Variants in APCDD1L observed in about 807,000 individuals in gnomAD.
APCDD1L encodes protein APCDD1-like.
In APCDD1L, 21 loss-of-function variants were observed where a neutral mutation model predicts 24.2. That is an observed-to-expected ratio of 0.87 (90% CI 0.61 to 1.25). The LOEUF (loss-of-function observed/expected upper bound fraction) is 1.25, where lower values mean the gene tolerates loss of function less well. Ranked by LOEUF, APCDD1L falls within the 50% of genes most tolerant of loss-of-function variation. The probability of loss-of-function intolerance (pLI) is 0.00; values close to 1 mark genes in which losing one functional copy is unlikely to be tolerated. For missense variants in APCDD1L, 704 were observed against 711.7 expected (o/e 0.99, Z 0.12); for synonymous variants, 321 against 323.6 (o/e 0.99, Z 0.09).
chr20:58,469,288 A>C, intron 2 of APCDD1L, among the ~76,000 whole-genome samples: 1 of 152,218 alleles, frequency 6.6e-6, no homozygotes, highest in East Asian at 1.9e-4. Flanking sequence ...GAAAATGATA[A>C]GTAAATACTA....
intron 3 of APCDD1L, among the ~76,000 whole-genome samples, chr20:58,464,753 G>A (rs935721025): frequency 1.1e-4 from 17 of 152,104 alleles, no homozygotes; most frequent in African/African-American, 4.1e-4. Context: ...TGGGTCGTGG[G>A]CAAGGCGTGG....
At chr20:58,486,814 C>G (rs1990124915) in intron 1 of APCDD1L, among the ~76,000 whole-genome samples, 1 of 138,374 alleles carries the variant, frequency 7.2e-6, no homozygotes, top group Non-Finnish European at 1.5e-5. Context: ...ACCTTCTAAA[C>G]AAAGGAATTT....
intron 1 of APCDD1L, among the ~76,000 whole-genome samples, chr20:58,487,385 A>G (rs1284798707): frequency 6.8e-6 from 1 of 148,040 alleles, no homozygotes; most frequent in Non-Finnish European, 1.5e-5. Flanking sequence ...AGGAGTAAGT[A>G]TAAATAAACT....
At chr20:58,492,740 CACAT>C (rs1188254370) in intron 1 of APCDD1L, among the ~76,000 whole-genome samples, 1 of 152,266 alleles carries the variant, frequency 6.6e-6, no homozygotes, top group African/African-American at 2.4e-5. Flanking sequence ...CATGCACTGA[CACAT>C]ACAGACACAA....
In APCDD1L at chr20:58,497,283, G is replaced by A. The variant is rs1409245200; in HGVS notation, c.49+17376C>T. Among the ~76,000 whole-genome samples the A allele has an allele frequency of 1.3e-5, 2 of 152,096 alleles. No homozygotes were observed. Among genetic ancestry groups the A allele is most frequent in the African/African-American group, 4.8e-5 (2 of 41,416 alleles). On this transcript the variant is annotated intron_variant, in intron 1 of 3. Transcript: ENST00000371149. The surrounding 1 kb of genome is among the most constrained non-coding windows in gnomAD (Gnocchi z 4.3). ...AAGCTGTAGCACGACTGAAGCCTTA[G>A]GCCTGGCCACAGCTGCCCTGGAAAG...
At position 58,467,599 on chromosome 20, in the gene APCDD1L, C is replaced by T. The variant is rs7265902; in HGVS notation, c.248G>A (p.Arg83Gln). 2.6e-3 allele frequency: 4,011 copies of T among 1,552,852 alleles called. 104 individuals are homozygous for T. The African/African-American group carries it at 0.048, about 18-fold the overall frequency. The stretch of plus-strand genomic sequence containing the variant: ...GTAGAACTGGTGGGCTCGAAAGAGC[C>T]GGCTGGGGTAGAAGGTGTAGGCGCG... ...LTRAYTFYPSRLFRAHQFYYE... is the reference protein window; with the variant it reads ...LTRAYTFYPSQLFRAHQFYYE... The change falls in exon 3 of 4, where the codon CGG becomes CAG. Residue 83 changes from arginine (R) to glutamine (Q), a missense_variant. Transcript: ENST00000371149. The surrounding 1 kb of genome is among the most constrained non-coding windows in gnomAD (Gnocchi z 5.9).
At chr20:58,468,896 A>G (rs1989765512) in intron 2 of APCDD1L, among the ~76,000 whole-genome samples, 1 of 152,192 alleles carries the variant, frequency 6.6e-6, no homozygotes, top group Middle Eastern at 3.4e-3. Context: ...GGGCTGTTGG[A>G]GCAGAGGAAA....
At chr20:58,496,096 G>C (rs1357061910) in intron 1 of APCDD1L, among the ~76,000 whole-genome samples, 1 of 152,242 alleles carries the variant, frequency 6.6e-6, no homozygotes, top group African/African-American at 2.4e-5. Context: ...ACTTTTCCTA[G>C]GGTTAATGAG....
chr20:58,509,201 C>G (rs1990581679), intron 1 of APCDD1L, among the ~76,000 whole-genome samples: 1 of 152,068 alleles, frequency 6.6e-6, no homozygotes, highest in Non-Finnish European at 1.5e-5. Flanking sequence ...AGGAGCTGCC[C>G]AGGTAGTTGG....
rs1299527796 is a variant in APCDD1L, at chr20:58,460,442, A to T, written c.*348T>A. 1.5e-5 allele frequency: 3 copies of T among 200,216 alleles called. No homozygotes were observed. The highest frequency in any genetic ancestry group is 1.0e-5 in the Non-Finnish European group (1 of 99,178). 12.4% of individuals were successfully genotyped at this position (200,216 alleles called of 1,614,324 possible). A position where few individuals can be genotyped will look rare whatever the true frequency, so the allele number is the denominator to read the frequency against. On this transcript the variant is annotated 3_prime_UTR_variant, in exon 4 of 4. Transcript: ENST00000371149. The surrounding 1 kb of genome is among the most constrained non-coding windows in gnomAD (Gnocchi z 4.2). ...TGGGAAGAACTGGGGGGAACATGGG[A>T]TGGGGGTGTTCCGTGTGGCCCCCTG...
chr20:58,475,990 C>G (rs912657251), intron 1 of APCDD1L, among the ~76,000 whole-genome samples: 1 of 152,310 alleles, frequency 6.6e-6, no homozygotes, highest in East Asian at 1.9e-4. Flanking sequence ...TTCATCCTAA[C>G]TTGATTACAT....
chr20:58,513,938 G>A (rs1453864135), intron 1 of APCDD1L: 11 of 1,301,914 alleles, frequency 8.4e-6, no homozygotes, highest in African/African-American at 1.5e-5. Flanking sequence ...CCCCAGCTGG[G>A]CACACTTCAA....
In APCDD1L at chr20:58,467,128, T is replaced by C; in HGVS notation, c.719A>G (p.Gln240Arg). The change falls in exon 3 of 4, where the codon CAG (glutamine) becomes CGG (arginine). Residue 240 changes from glutamine to arginine, a missense_variant. Gln to Arg is a conservative substitution (Grantham distance 43). Transcript: ENST00000371149. The surrounding 1 kb of genome is among the most constrained non-coding windows in gnomAD (Gnocchi z 5.9). ...CACCAGTGCGCTCTGCAGCGGGCGCTGGTAGCCCGTGGGCCGGTAGTGCCG... is the reference window on the plus strand; with the variant it reads ...CACCAGTGCGCTCTGCAGCGGGCGCCGGTAGCCCGTGGGCCGGTAGTGCCG... ...ERRHYRPTGY[Q>R]RPLQSALHHV... is the part of the protein sequence containing the mutation. 6.2e-7 allele frequency: 1 copy of C among 1,607,126 alleles called. No individual in the cohort carries two copies. The highest frequency in any genetic ancestry group is 8.5e-7 in the Non-Finnish European group (1 of 1,179,132).
intron 1 of APCDD1L, among the ~76,000 whole-genome samples, chr20:58,504,836 C>T (rs532383247): frequency 6.6e-6 from 1 of 152,300 alleles, no homozygotes; most frequent in South Asian, 2.1e-4. Flanking sequence ...CTACCCAGGA[C>T]CCCCAGTTCT....
intron 1 of APCDD1L, among the ~76,000 whole-genome samples, chr20:58,472,109 G>A (rs985171451): frequency 6.6e-6 from 1 of 152,158 alleles, no homozygotes; most frequent in Non-Finnish European, 1.5e-5. Context: ...TGTGCCCCAG[G>A]GGTATTTGAG....
chr20:58,513,829 G>C (rs919335868), intron 1 of APCDD1L: 2 of 1,229,714 alleles, frequency 1.6e-6, no homozygotes, highest in African/African-American at 1.6e-5. Context: ...AAAGCCAGAC[G>C]GGTTGATATG....
At chr20:58,503,667 A>G (rs1263631373) in intron 1 of APCDD1L, among the ~76,000 whole-genome samples, 4 of 152,296 alleles carry the variant, frequency 2.6e-5, no homozygotes, top group Admixed American at 2.0e-4. Context: ...TTTTTAACGC[A>G]CACTGAGCTC....
intron 1 of APCDD1L, chr20:58,514,090 G>A (rs765931968): frequency 3.0e-5 from 17 of 560,594 alleles, no homozygotes; most frequent in Non-Finnish European, 4.0e-5. Flanking sequence ...CCTGGAGAAG[G>A]CATTGACTAC....
At chr20:58,487,329 A>G (rs1990137432) in intron 1 of APCDD1L, among the ~76,000 whole-genome samples, 2 of 151,980 alleles carry the variant, frequency 1.3e-5, no homozygotes, top group South Asian at 4.2e-4. Context: ...AAAATAATAG[A>G]AGCATTGTGT....
Sources: gnomAD v4.1 joint callset for allele counts (sites outside exome capture counted in the v4.1 genomes callset) on GRCh38, gnomAD v4.1.1 for gene constraint, Gnocchi (gnomAD v3.1) non-coding constraint, MANE v1.5 for transcripts, NCBI Gene and HGNC (gene_info 2026-07-23, HGNC 2026-07-21) for gene names.